The following CACNB2 variants were observed in gnomAD, a reference collection of about 807,000 sequenced individuals.
CACNB2 encodes the protein calcium voltage-gated channel auxiliary subunit beta 2, also known as voltage-dependent L-type calcium channel subunit beta-2.
Under a neutral mutation model 73.3 loss-of-function variants are expected in CACNB2, and 42 were observed. The ratio of observed to expected loss-of-function variants is 0.57; its 90% CI spans 0.45 to 0.74. The LOEUF (loss-of-function observed/expected upper bound fraction) is 0.74, where lower values mean the gene tolerates loss of function less well. Among genes scored for constraint, CACNB2 ranks in the 30% least tolerant of loss-of-function variants. The pLI is 0.00. For synonymous variants in CACNB2, 348 were observed against 310.3 expected, an observed-to-expected ratio of 1.12 and a Z score of -1.28; for missense variants, 940 against 853.0, an observed-to-expected ratio of 1.10 and a Z score of -1.27.
intron 3 of CACNB2, among the ~76,000 whole-genome samples, chr10:18,420,503 C>T (rs1383857747): frequency 2.0e-5 from 3 of 152,118 alleles, no homozygotes. Flanking sequence ...ATGGATGTCT[C>T]ACCACAAGCA....
chr10:18,474,623 A>C (rs1275460145), intron 3 of CACNB2, among the ~76,000 whole-genome samples: 5 of 152,112 alleles, frequency 3.3e-5, no homozygotes, highest in Non-Finnish European at 5.9e-5. Context: ...TAGATCTGTG[A>C]AGCACATCTA....
chr10:18,377,835 G>C (rs1448100013), intron 2 of CACNB2, among the ~76,000 whole-genome samples: 1 of 152,126 alleles, frequency 6.6e-6, no homozygotes, highest in Non-Finnish European at 1.5e-5. Context: ...TTTTATTAAG[G>C]TTTCTGAAAA....
At chr10:18,399,404 C>T (rs879263197) in intron 2 of CACNB2, among the ~76,000 whole-genome samples, 14 of 152,152 alleles carry the variant, frequency 9.2e-5, no homozygotes, top group Non-Finnish European at 1.6e-4. Flanking sequence ...TATTAATTTA[C>T]GTCAAGATAC....
chr10:18,483,844 A>G (rs1049853189), intron 3 of CACNB2, among the ~76,000 whole-genome samples: 5 of 152,212 alleles, frequency 3.3e-5, no homozygotes, highest in African/African-American at 1.2e-4. Context: ...AACAATTTAA[A>G]TGCCAGCATC....
chr10:18,327,255 A>G (rs921043718), intron 2 of CACNB2, among the ~76,000 whole-genome samples: 11 of 152,190 alleles, frequency 7.2e-5, no homozygotes, highest in African/African-American at 2.7e-4. Flanking sequence ...AATTATATAA[A>G]GAACATGTTT....
At chr10:18,228,457 AAAAAG>A (rs1564360966) in intron 2 of CACNB2, among the ~76,000 whole-genome samples, 3 of 149,438 alleles carry the variant, frequency 2.0e-5, no homozygotes, top group Non-Finnish European at 3.0e-5. Context: ...AAAGAAAAAA[AAAAAG>A]AAAAGAAAAA....
In CACNB2 at chr10:18,540,712, A is replaced by G. The variant is rs1325348354; in HGVS notation, c.*988A>G. 1.3e-5 allele frequency: 2 copies of G among 152,636 alleles called. No individual in the cohort carries two copies. Among genetic ancestry groups the G allele is most frequent in the South Asian group, 4.1e-4 (2 of 4,832 alleles). 9.5% of individuals were successfully genotyped at this position (152,636 alleles called of 1,614,324 possible). ...GAGTCTACGAGCCGGAACTCGCTATATGCACGTGTGTGTGTCCGTATGTAA... is the reference window on the plus strand; with the variant it reads ...GAGTCTACGAGCCGGAACTCGCTATGTGCACGTGTGTGTGTCCGTATGTAA... On this transcript the variant is annotated 3_prime_UTR_variant, in exon 14 of 14. Transcript: ENST00000324631.
At chr10:18,405,550 T>C (rs992472211) in intron 3 of CACNB2, among the ~76,000 whole-genome samples, 1 of 152,342 alleles carries the variant, frequency 6.6e-6, no homozygotes, top group Non-Finnish European at 1.5e-5. Flanking sequence ...CTCTTTTTAA[T>C]TGAAATAATG....
chr10:18,144,402 T>C (rs562777908), intron 1 of CACNB2, among the ~76,000 whole-genome samples: 1 of 152,210 alleles, frequency 6.6e-6, no homozygotes, highest in African/African-American at 2.4e-5. Context: ...GTTTCTTACA[T>C]GGGAAATGAA....
At chr10:18,481,240 T>A (rs1264564631) in intron 3 of CACNB2, among the ~76,000 whole-genome samples, 35 of 65,904 alleles carry the variant, frequency 5.3e-4, no homozygotes, top group South Asian at 1.2e-3. Flanking sequence ...ATTTTTTTTT[T>A]TTTTTTTTTT....
intron 2 of CACNB2, among the ~76,000 whole-genome samples, chr10:18,396,138 G>A (rs1029545958): frequency 5.9e-5 from 9 of 151,908 alleles, no homozygotes; most frequent in African/African-American, 1.9e-4. Flanking sequence ...TGTATTTTTA[G>A]TAGAGATGGG....
chr10:18,502,152 C>A (rs1277470271), intron 5 of CACNB2, among the ~76,000 whole-genome samples: 1 of 151,906 alleles, frequency 6.6e-6, no homozygotes. Context: ...ACTAAAAATC[C>A]AAAAATTAGC....
chr10:18,205,406 T>TC (rs1276939142), intron 2 of CACNB2, among the ~76,000 whole-genome samples: 1 of 152,178 alleles, frequency 6.6e-6, no homozygotes, highest in Non-Finnish European at 1.5e-5. Context: ...GTTATTGTTG[T>TC]CTATATATGC....
At chr10:18,488,034 C>T (rs1050656604) in intron 3 of CACNB2, among the ~76,000 whole-genome samples, 10 of 151,028 alleles carry the variant, frequency 6.6e-5, no homozygotes, top group African/African-American at 2.2e-4. Flanking sequence ...GTCTCGAACT[C>T]CTGACCTCAG....
In CACNB2 at chr10:18,543,060, T is replaced by G. The variant is rs1440854312; in HGVS notation, c.*3336T>G. ...TCTGCTATGCATTCCTGTTAAACAT[T>G]CACTGTCAGCTACACTGAACTGTCT... On this transcript the variant is annotated 3_prime_UTR_variant, in exon 14 of 14. Transcript: ENST00000324631. 2.7e-4 allele frequency: 41 copies of G among 152,132 alleles called. No individual in the cohort carries two copies. Among genetic ancestry groups the G allele is most frequent in the Admixed American group, 2.7e-3 (41 of 15,260 alleles). The allele number at this position is 152,132 out of a possible 1,614,324, so 9.4% of individuals were successfully genotyped here.
intron 2 of CACNB2, among the ~76,000 whole-genome samples, chr10:18,193,339 C>T (rs1469424405): frequency 1.3e-5 from 2 of 151,342 alleles, no homozygotes; most frequent in Non-Finnish European, 2.9e-5. Context: ...TCCAATTTCT[C>T]CACATTTTTG....
rs2054140153 is a variant in CACNB2, at chr10:18,543,273, G to C, written c.*3549G>C. The C allele has an allele frequency of 6.6e-6, 1 of 151,778 alleles. No individual in the cohort carries two copies. The highest frequency in any genetic ancestry group is 1.5e-5 in the Non-Finnish European group (1 of 67,932). 9.4% of individuals were successfully genotyped at this position (151,778 alleles called of 1,614,324 possible). ...ATGCTAAATACTTTATGTTCCTTTA[G>C]TAATCTTCCTATTATGTCTGATTAA... On this transcript the variant is annotated 3_prime_UTR_variant, in exon 14 of 14. Coordinates refer to ENST00000324631, the MANE Select transcript of CACNB2 (RefSeq NM_201596.3).
At chr10:18,395,855 A>G (rs2043688426) in intron 2 of CACNB2, among the ~76,000 whole-genome samples, 1 of 152,180 alleles carries the variant, frequency 6.6e-6, no homozygotes, top group Non-Finnish European at 1.5e-5. Flanking sequence ...ACAGTTTGCA[A>G]ACTAAGGTAT....
At chr10:18,539,202 A>C in intron 13 of CACNB2, 28 bp from the exon 14 acceptor site, 1 of 1,613,832 alleles carries the variant, frequency 6.2e-7, no homozygotes, top group South Asian at 1.1e-5. Flanking sequence ...ACCTTGGTTA[A>C]CGCCTGGTGT....
Sources: allele counts gnomAD v4.1 joint callset (sites outside exome capture counted in the v4.1 genomes callset), GRCh38; gene constraint gnomAD v4.1.1; transcripts MANE v1.5; gene names NCBI Gene and HGNC (gene_info 2026-07-23, HGNC 2026-07-21).